Variants in MC2R observed in about 807,000 individuals in gnomAD.
The protein encoded by MC2R is melanocortin 2 receptor, also known as adrenocorticotropic hormone receptor.
A neutral mutation model predicts 9.8 loss-of-function variants in MC2R; 9 were observed. The observed-to-expected ratio is 0.92, with a 90% CI of 0.55 to 1.60. The LOEUF (loss-of-function observed/expected upper bound fraction) is 1.60, where lower values mean the gene tolerates loss of function less well. MC2R is among the 40% of genes most tolerant of loss of function. The pLI is 0.00. For missense variants in MC2R, 370 were observed against 389.0 expected (o/e 0.95, Z 0.41); for synonymous variants, 185 against 154.7 (o/e 1.20, Z -1.45).
intron 1 of MC2R, among the ~76,000 whole-genome samples, chr18:13,890,094 A>G (rs2045306916): frequency 6.6e-6 from 1 of 152,210 alleles, no homozygotes; most frequent in Non-Finnish European, 1.5e-5. Flanking sequence ...TCTGTATCTG[A>G]CCAAATCAGG....
chr18:13,891,612 C>T (rs2045316095), intron 1 of MC2R, among the ~76,000 whole-genome samples: 1 of 152,162 alleles, frequency 6.6e-6, no homozygotes, highest in Admixed American at 6.5e-5. Context: ...GGATTATTGC[C>T]AATACACATC....
intron 1 of MC2R, among the ~76,000 whole-genome samples, chr18:13,888,234 G>A (rs1311376829): frequency 6.6e-6 from 1 of 152,098 alleles, no homozygotes; most frequent in Non-Finnish European, 1.5e-5. Context: ...AATCCATGGG[G>A]AGCCCTGAAT....
rs1184806630 is a variant in MC2R, at chr18:13,885,336, A to G, written c.183T>C (p.Phe61=). 1.2e-5 allele frequency: 20 copies of G among 1,614,196 alleles called. No individual in the cohort carries two copies. Among genetic ancestry groups the G allele is most frequent in the Non-Finnish European group, 1.6e-5 (19 of 1,180,046 alleles). ...CAGATATGGCCAAGCTACAGATGAA[A>G]AAGTACATGGGTGCCTGGAGATTCT... ...KNKNLQAPMY[F]FICSLAISDM... is the part of the protein sequence containing the mutation. The change falls in exon 2 of 2, where the codon TTT becomes TTC. Residue 61 remains phenylalanine, a synonymous_variant. Transcript: ENST00000327606.
chr18:13,904,380 CAAAAA>C (rs56308792), intron 1 of MC2R, among the ~76,000 whole-genome samples: 1 of 94,986 alleles, frequency 1.1e-5, no homozygotes, highest in African/African-American at 3.5e-5. Flanking sequence ...GACCCCGTCT[CAAAAA>C]AAAAAAAAAA....
chr18:13,882,783 C>T lies in MC2R; in HGVS notation c.*1842G>A, dbSNP rs2149133898. The T allele has an allele frequency of 6.6e-6, 1 of 152,300 alleles. No individual in the cohort carries two copies. The highest frequency in any genetic ancestry group is 2.1e-4 in the South Asian group (1 of 4,822). The allele number at this position is 152,300 out of a possible 1,614,324, so 9.4% of individuals were successfully genotyped here. ...ATTACTTTTTCAATGGTAGAAATAACACTTTTAAAAATTAGTTCTAGGGTT... is the reference window on the plus strand; with the variant it reads ...ATTACTTTTTCAATGGTAGAAATAATACTTTTAAAAATTAGTTCTAGGGTT... On this transcript the variant is annotated 3_prime_UTR_variant, in exon 2 of 2. Coordinates refer to ENST00000327606, the MANE Select transcript of MC2R (RefSeq NM_000529.2).
chr18:13,888,893 C>T (rs910937227), intron 1 of MC2R, among the ~76,000 whole-genome samples: 44 of 152,302 alleles, frequency 2.9e-4, no homozygotes, highest in Admixed American at 2.5e-3. Flanking sequence ...TAGGGGTCTG[C>T]ACCTGCCATA....
At chr18:13,901,587 G>A (rs2045380299) in intron 1 of MC2R, among the ~76,000 whole-genome samples, 1 of 152,040 alleles carries the variant, frequency 6.6e-6, no homozygotes, top group Non-Finnish European at 1.5e-5. Context: ...AAAATCATTA[G>A]TGGCTACTAT....
intron 1 of MC2R, among the ~76,000 whole-genome samples, chr18:13,899,229 C>T (rs951230460): frequency 2.0e-5 from 3 of 151,892 alleles, no homozygotes; most frequent in South Asian, 2.1e-4. Context: ...CTGATGAAGG[C>T]GTCAGAGTCT....
Position 13,884,190 on chromosome 18 carries a change from A to G in MC2R, c.*435T>C, listed in dbSNP as rs1016106640. ...TACTTAACTTCTGGAAATTGGCTGC[A>G]ATGGCCTCCACCTGGAAAGGCCACC... On this transcript the variant is annotated 3_prime_UTR_variant, in exon 2 of 2. Transcript: ENST00000327606. 5 of 244,786 alleles carry G rather than the reference A, an allele frequency of 2.0e-5. No individual in the cohort carries two copies. The highest frequency in any genetic ancestry group is 4.0e-5 in the Non-Finnish European group (5 of 124,404). 15.2% of individuals were successfully genotyped at this position (244,786 alleles called of 1,614,324 possible). A position where few individuals can be genotyped will look rare whatever the true frequency, so the allele number is the denominator to read the frequency against.
intron 1 of MC2R, among the ~76,000 whole-genome samples, chr18:13,892,401 C>T (rs1037079435): frequency 6.6e-6 from 1 of 152,034 alleles, no homozygotes; most frequent in Admixed American, 6.5e-5. Context: ...GGACTGGCTG[C>T]CCCTTTCCCT....
At chr18:13,896,275 G>T in intron 1 of MC2R, among the ~76,000 whole-genome samples, 1 of 152,160 alleles carries the variant, frequency 6.6e-6, no homozygotes, top group East Asian at 1.9e-4. Flanking sequence ...CAAAAAAGTA[G>T]CACAGGGAGT....
chr18:13,907,251 G>C (rs569996370), intron 1 of MC2R, among the ~76,000 whole-genome samples: 12 of 152,292 alleles, frequency 7.9e-5, no homozygotes, highest in African/African-American at 2.9e-4. Context: ...CGACAAAGGT[G>C]CCAAGAACAT....
chr18:13,902,240 G>C (rs9954611), intron 1 of MC2R, among the ~76,000 whole-genome samples: 9,821 of 151,978 alleles, frequency 0.065, 999 homozygotes, highest in African/African-American at 0.22. Context: ...GGTAGAGAAG[G>C]AACATACCTC....
chr18:13,892,832 A>ACACACACACACACACAC (rs2045324246), intron 1 of MC2R, among the ~76,000 whole-genome samples: 1 of 151,418 alleles, frequency 6.6e-6, no homozygotes, highest in Non-Finnish European at 1.5e-5. Context: ...ACACACACAC[A>ACACACACACACACACAC]CACACACACA....
rs1389605117 is a variant in MC2R, at chr18:13,884,930, A to G, written c.589T>C (p.Phe197Leu). 6.2e-7 allele frequency: 1 copy of G among 1,614,050 alleles called. No individual in the cohort carries two copies. The highest frequency in any genetic ancestry group is 2.2e-5 in the East Asian group (1 of 44,864). Residue 197 changes from phenylalanine (F) to leucine (L), a missense_variant, in exon 2 of 2, where the codon TTC (phenylalanine) becomes CTC (leucine). By Grantham distance (22) the Phe-to-Leu change is conservative (BLOSUM62 0). Transcript: ENST00000327606. ...VFILCLYVHM[F>L]LLARSHTRKI... ...CTGGTGTGGGATCGAGCCAGCAGGA[A>G]CATGTGCACATAGAGGCACAGGATG...
chr18:13,884,865 G>C lies in MC2R; in HGVS notation c.654C>G (p.Ala218=), dbSNP rs2045263990. ...STLPRANMKG[A]ITLTILLGVF... is the part of the protein sequence containing the mutation. ...CCCCGAGCAGGATGGTCAGTGTGAT[G>C]GCCCCTTTCATGTTGGCTCTGGGGA... The change falls in exon 2 of 2, where the codon GCC becomes GCG. Residue 218 remains alanine, a synonymous_variant. Coordinates refer to ENST00000327606, the MANE Select transcript of MC2R (RefSeq NM_000529.2). 6.2e-7 allele frequency: 1 copy of C among 1,613,962 alleles called. No homozygotes were observed. Among genetic ancestry groups the C allele is most frequent in the African/African-American group, 1.3e-5 (1 of 74,896 alleles).
chr18:13,898,727 A>G (rs922521923), intron 1 of MC2R, among the ~76,000 whole-genome samples: 12 of 152,242 alleles, frequency 7.9e-5, no homozygotes, highest in African/African-American at 4.8e-5. Flanking sequence ...AAGAGTCTCT[A>G]CTTGGTAATC....
chr18:13,888,429 G>A (rs1317996958), intron 1 of MC2R, among the ~76,000 whole-genome samples: 1 of 152,148 alleles, frequency 6.6e-6, no homozygotes, highest in Admixed American at 6.5e-5. Context: ...CATGCCATGG[G>A]CACCACCTAA....
At chr18:13,915,152 A>G (rs904387686) in intron 1 of MC2R, among the ~76,000 whole-genome samples, 1 of 152,228 alleles carries the variant, frequency 6.6e-6, no homozygotes, top group Admixed American at 6.5e-5. Context: ...AAGTGATAAT[A>G]GAAGCATGAT....
Sources: gnomAD v4.1 joint callset for allele counts (sites outside exome capture counted in the v4.1 genomes callset) on GRCh38, gnomAD v4.1.1 for gene constraint, MANE v1.5 for transcripts, NCBI Gene and HGNC (gene_info 2026-07-23, HGNC 2026-07-21) for gene names.